The following ABCC9 variants were observed in gnomAD, a reference collection of about 807,000 sequenced individuals.
ABCC9 encodes the protein ATP binding cassette subfamily C member 9, also known as ATP-binding cassette sub-family C member 9.
ABCC9 carries 95 observed loss-of-function variants against 188.3 expected under a neutral mutation model. The observed-to-expected ratio is 0.50, with a 90% confidence interval of 0.43 to 0.60. ABCC9 has a LOEUF of 0.60. Ranked by LOEUF, ABCC9 falls within the 20% of genes least tolerant of loss-of-function variation. The pLI is 0.00. For synonymous variants in ABCC9, 659 were observed against 652.7 expected (o/e 1.01, Z -0.15); for missense variants, 1,102 against 1,876.3 (o/e 0.59, Z 7.62).
chr12:21,847,369 T>C (rs556917038), intron 25 of ABCC9, among the ~76,000 whole-genome samples: 41 of 152,332 alleles, frequency 2.7e-4, no homozygotes, highest in African/African-American at 9.1e-4. Flanking sequence ...CCTTCATTCA[T>C]TAATTCATTC....
chr12:21,841,347 C>CTTTTTTTT (rs1174314931), intron 29 of ABCC9, among the ~76,000 whole-genome samples: 8 of 19,600 alleles, frequency 4.1e-4, no homozygotes, highest in African/African-American at 1.0e-3. Flanking sequence ...TTCTGGTTTC[C>CTTTTTTTT]TTTTTTTTTT....
intron 16 of ABCC9, among the ~76,000 whole-genome samples, 161 bp from the exon 17 acceptor site, chr12:21,875,887 A>G (rs1025078600): frequency 6.6e-6 from 1 of 152,120 alleles, no homozygotes; most frequent in Non-Finnish European, 1.5e-5. Context: ...GATCGAGATC[A>G]TCCTGGCTAA....
intron 39 of ABCC9, chr12:21,805,117 A>G (rs773062462): frequency 1.2e-6 from 2 of 1,611,154 alleles, no homozygotes; most frequent in Non-Finnish European, 1.7e-6. Context: ...TACTGAGAGG[A>G]TACTGCTAAG....
intron 5 of ABCC9, chr12:21,923,964 G>T: frequency 3.6e-6 from 2 of 556,664 alleles, no homozygotes; most frequent in South Asian, 2.5e-5. Context: ...CATTACGGAT[G>T]AGCATCAAAA....
chr12:21,858,739 C>T (rs704187), intron 22 of ABCC9, among the ~76,000 whole-genome samples: 91,933 of 151,902 alleles, frequency 0.61, 28,272 homozygotes, highest in African/African-American at 0.69. Context: ...ATGACAGATC[C>T]AAATTCAGTG....
chr12:21,902,893 C>A (rs1041091125), intron 12 of ABCC9, among the ~76,000 whole-genome samples: 1 of 152,198 alleles, frequency 6.6e-6, no homozygotes, highest in East Asian at 1.9e-4. Flanking sequence ...CCTTCTGAAA[C>A]TATTCCAATC....
intron 16 of ABCC9, among the ~76,000 whole-genome samples, chr12:21,881,816 A>T (rs935957274): frequency 1.3e-5 from 2 of 152,152 alleles, no homozygotes; most frequent in African/African-American, 4.8e-5. Context: ...CATATGTGAC[A>T]TATCCTTTTA....
At chr12:21,876,009 G>A (rs1200502351) in intron 16 of ABCC9, among the ~76,000 whole-genome samples, 9 of 152,002 alleles carry the variant, frequency 5.9e-5, no homozygotes, top group African/African-American at 2.2e-4. Context: ...CCGAGATCGC[G>A]CCACTGCACT....
chr12:21,819,644 G>A (rs1942910095), intron 31 of ABCC9, among the ~76,000 whole-genome samples: 1 of 152,144 alleles, frequency 6.6e-6, no homozygotes, highest in African/African-American at 2.4e-5. Flanking sequence ...GAATAAAAAT[G>A]TTAAATACCA....
intron 12 of ABCC9, among the ~76,000 whole-genome samples, chr12:21,902,481 A>T (rs1371638174): frequency 6.6e-6 from 1 of 152,144 alleles, no homozygotes; most frequent in Non-Finnish European, 1.5e-5. Flanking sequence ...GACACAAAAA[A>T]CCCTTCAAAA....
chr12:21,884,403 G>C (rs1565445759), intron 15 of ABCC9, among the ~76,000 whole-genome samples: 1 of 152,112 alleles, frequency 6.6e-6, no homozygotes, highest in Non-Finnish European at 1.5e-5. Flanking sequence ...ATACCTTATA[G>C]AGACTATGAA....
At chr12:21,886,641 T>G (rs1946887725) in intron 15 of ABCC9, among the ~76,000 whole-genome samples, 1 of 152,142 alleles carries the variant, frequency 6.6e-6, no homozygotes, top group Non-Finnish European at 1.5e-5. Flanking sequence ...ACTCCCTACT[T>G]TGAAACCTTC....
At position 21,906,437 on chromosome 12, in the gene ABCC9, A is replaced by G. The variant is rs10160924; in HGVS notation, c.1456-149T>C. On this transcript the variant is annotated intron_variant, in intron 11 of 39. Transcript: ENST00000261200. Reference sequence around the variant, plus strand: ...GGTTGTGAAGTTCCCAGGAGAAGCAATTAAACCCTTTGTGCTTCATGAAAT... The same window carrying G: ...GGTTGTGAAGTTCCCAGGAGAAGCAGTTAAACCCTTTGTGCTTCATGAAAT... The G allele has an allele frequency of 1, 719,760 of 721,764 alleles. 358,907 individuals carry two copies. Among genetic ancestry groups the G allele is most frequent in the East Asian group, 1 (36,354 of 36,354 alleles). The allele number at this position is 721,764 out of a possible 1,614,324, so 44.7% of individuals were successfully genotyped here. A position where few individuals can be genotyped will look rare whatever the true frequency, so the allele number is the denominator to read the frequency against.
At chr12:21,805,853 A>AT (rs997270536) in intron 39 of ABCC9, 145 bp downstream of exon 39, 60 of 802,090 alleles carry the variant, frequency 7.5e-5, no homozygotes, top group South Asian at 1.1e-4. Flanking sequence ...ACATCTTCGT[A>AT]TTTTTTTTCT....
chr12:21,903,997 C>T (rs1592195622), intron 12 of ABCC9, among the ~76,000 whole-genome samples: 2 of 151,826 alleles, frequency 1.3e-5, no homozygotes, highest in South Asian at 2.1e-4. Context: ...AAAAGAACAC[C>T]TGGAGGCATC....
At chr12:21,852,320 A>T (rs769901887) in intron 23 of ABCC9, 48 bp downstream of exon 23, 2 of 1,612,622 alleles carry the variant, frequency 1.2e-6, no homozygotes, top group Non-Finnish European at 1.7e-6. Context: ...GTCTCTATTT[A>T]TATGACTATA....
rs1446326970 is a variant in ABCC9, at chr12:21,798,008, TTATATG to T, written c.*3030_*3035del. 6.6e-6 allele frequency: 1 copy of T among 152,206 alleles called. No homozygotes were observed. Among genetic ancestry groups the T allele is most frequent in the African/African-American group, 2.4e-5 (1 of 41,456 alleles). The allele number at this position is 152,206 out of a possible 1,614,324, so 9.4% of individuals were successfully genotyped here. ...GGTGAATCTTTTTATATTCAATAGA[TTATATG>T]TATAATAAATGGTTAATCAATGAAA... On this transcript the variant is annotated 3_prime_UTR_variant, in exon 40 of 40. Transcript: ENST00000261200.
intron 5 of ABCC9, among the ~76,000 whole-genome samples, chr12:21,918,018 G>C (rs1353061626): frequency 1.4e-5 from 1 of 72,008 alleles, no homozygotes; most frequent in African/African-American, 5.3e-5. Context: ...TGTAGAGTCA[G>C]AATGGATTCA....
intron 19 of ABCC9, 38 bp downstream of exon 19, chr12:21,864,401 T>A (rs755383246): frequency 7.0e-7 from 1 of 1,418,940 alleles, no homozygotes; most frequent in South Asian, 1.2e-5. Flanking sequence ...AGGAAGGAAG[T>A]TATTCTTATT....
Sources: allele counts gnomAD v4.1 joint callset (sites outside exome capture counted in the v4.1 genomes callset), GRCh38; gene constraint gnomAD v4.1.1; transcripts MANE v1.5; gene names NCBI Gene and HGNC (gene_info 2026-07-23, HGNC 2026-07-21).